Variants in LMBR1 observed in about 807,000 individuals in gnomAD.
LMBR1 encodes limb region 1 protein homolog.
LMBR1 carries 52 observed loss-of-function variants against 73.9 expected under a neutral mutation model. The observed-to-expected ratio is 0.70, with a 90% CI of 0.56 to 0.89. The LOEUF is 0.89. LMBR1 is among the 40% of genes least tolerant of loss of function. The pLI, the probability that LMBR1 is intolerant of heterozygous loss-of-function variation, is 0.00. For synonymous variants in LMBR1, 215 were observed against 209.4 expected (o/e 1.03, Z -0.23); for missense variants, 539 against 579.8 (o/e 0.93, Z 0.72).
intron 3 of LMBR1, 101 bp from the exon 4 acceptor site, chr7:156,826,845 G>T (rs1835790003): frequency 2.7e-6 from 3 of 1,100,068 alleles, no homozygotes; most frequent in African/African-American, 1.6e-5. Flanking sequence ...AATCAAAAAA[G>T]CATTATATTA....
chr7:156,867,995 C>A (rs576293590), intron 1 of LMBR1, among the ~76,000 whole-genome samples: 1 of 151,924 alleles, frequency 6.6e-6, no homozygotes, highest in South Asian at 2.1e-4. Flanking sequence ...TCCTGTAATC[C>A]CAGGACTTTT....
Position 156,691,417 on chromosome 7 carries a change from T to G in LMBR1, c.1226-3226A>C, listed in dbSNP as rs547495917. Among the ~76,000 whole-genome samples, 4 of 152,330 alleles carry G rather than the reference T, an allele frequency of 2.6e-5. No homozygotes were observed. The East Asian group carries it at 7.7e-4, about 29-fold the overall frequency. On this transcript the variant is annotated intron_variant, in intron 15 of 16. Transcript: ENST00000353442. ...ATGCATAATTCCTTGAATAATGATC[T>G]TTTTCTATTCATACCTATAAAAGAA...
At chr7:156,671,278 A>G (rs1477895483) in intron 4 of LMBR1, among the ~76,000 whole-genome samples, 1 of 152,230 alleles carries the variant, frequency 6.6e-6, no homozygotes, top group Non-Finnish European at 1.5e-5. Flanking sequence ...CTCCAGCACC[A>G]ATCAGATTAT....
In LMBR1 at chr7:156,679,350, T is replaced by G. The variant is rs1001506878; in HGVS notation, c.*4728A>C. 4 of 152,214 alleles carry G rather than the reference T, an allele frequency of 2.6e-5. No homozygotes were observed. Among genetic ancestry groups the G allele is most frequent in the South Asian group, 2.1e-4 (1 of 4,820 alleles). The allele number at this position is 152,214 out of a possible 1,614,324, so 9.4% of individuals were successfully genotyped here. On this transcript the variant is annotated 3_prime_UTR_variant, in exon 17 of 17. Coordinates refer to ENST00000353442, the MANE Select transcript of LMBR1 (RefSeq NM_022458.4). ...GTGAATCACTCTTCAGACTGAAGGA[T>G]AGCCAGGCCAGAGAGGTGGCGAGGA...
At position 156,683,434 on chromosome 7, in the gene LMBR1, T is replaced by C. The variant is rs1447870928; in HGVS notation, c.*644A>G. The C allele has an allele frequency of 6.5e-6, 1 of 152,696 alleles. No homozygotes were observed. Among genetic ancestry groups the C allele is most frequent in the African/African-American group, 2.4e-5 (1 of 41,474 alleles). The allele number at this position is 152,696 out of a possible 1,614,324, so 9.5% of individuals were successfully genotyped here. A position where few individuals can be genotyped will look rare whatever the true frequency, so the allele number is the denominator to read the frequency against. ...ACAACAGAAGATATTCCTGTGGCTC[T>C]CTAAGGCTCCAGGTTTAAAAGAATT... On this transcript the variant is annotated 3_prime_UTR_variant, in exon 17 of 17. Transcript: ENST00000353442.
intron 5 of LMBR1, among the ~76,000 whole-genome samples, chr7:156,789,419 T>C (rs1014801058): frequency 5.3e-5 from 8 of 152,226 alleles, no homozygotes; most frequent in Admixed American, 2.0e-4. Flanking sequence ...AAAGTAGATT[T>C]ATCACAGGCT....
At chr7:156,884,494 T>C (rs1196599063) in intron 1 of LMBR1, among the ~76,000 whole-genome samples, 1 of 152,222 alleles carries the variant, frequency 6.6e-6, no homozygotes. Context: ...CAGCTTTAGC[T>C]TTATTCCAGT....
intron 5 of LMBR1, among the ~76,000 whole-genome samples, chr7:156,772,182 G>A (rs1432647040): frequency 1.3e-5 from 2 of 152,142 alleles, no homozygotes; most frequent in Non-Finnish European, 2.9e-5. Context: ...GCTGAGGCAG[G>A]AGAATCACTT....
chr7:156,836,755 C>T, intron 2 of LMBR1, 58 bp downstream of exon 2: 1 of 1,091,846 alleles, frequency 9.2e-7, no homozygotes, highest in Non-Finnish European at 1.3e-6. Flanking sequence ...ATCTTATATA[C>T]CATGCCTAGA....
intron 1 of LMBR1, among the ~76,000 whole-genome samples, chr7:156,878,941 A>G (rs754116587): frequency 1.6e-4 from 25 of 152,188 alleles, no homozygotes; most frequent in Non-Finnish European, 2.9e-5. Context: ...ACAAAAACAT[A>G]AAGTGGGGAA....
chr7:156,676,155 A>G (rs1803948334), downstream of LMBR1: 1 of 1,106,732 alleles, frequency 9.0e-7, no homozygotes, highest in Non-Finnish European at 1.2e-6. Context: ...TTCAGTTTGA[A>G]ATTCTGGAAG....
chr7:156,713,912 T>A (rs572908262), intron 15 of LMBR1, among the ~76,000 whole-genome samples: 3 of 152,344 alleles, frequency 2.0e-5, no homozygotes, highest in Admixed American at 6.5e-5. Flanking sequence ...TTTTGTGTTA[T>A]AAGTTAAATT....
At chr7:156,761,785 C>T (rs993571912) in intron 8 of LMBR1, among the ~76,000 whole-genome samples, 1 of 151,766 alleles carries the variant, frequency 6.6e-6, no homozygotes, top group Non-Finnish European at 1.5e-5. Flanking sequence ...GACCACCCTG[C>T]CTAACACAGT....
chr7:156,852,136 A>G (rs774490307), intron 1 of LMBR1, among the ~76,000 whole-genome samples: 6 of 152,162 alleles, frequency 3.9e-5, no homozygotes, highest in Non-Finnish European at 8.8e-5. Flanking sequence ...ATTTCGGTCC[A>G]GGTCTCAAAA....
intron 1 of LMBR1, among the ~76,000 whole-genome samples, chr7:156,842,114 T>C (rs1239212643): frequency 6.6e-6 from 1 of 150,914 alleles, no homozygotes; most frequent in Non-Finnish European, 1.5e-5. Context: ...ATGGCATCTA[T>C]TTCCTCAGTG....
At chr7:156,803,529 T>C (rs559986895) in intron 4 of LMBR1, among the ~76,000 whole-genome samples, 123 of 152,110 alleles carry the variant, frequency 8.1e-4, no homozygotes, top group Admixed American at 2.2e-3. Context: ...TGTGGAGAAA[T>C]AGGAACACTT....
chr7:156,676,429 G>C (rs2302148), downstream of LMBR1: 1 of 1,613,990 alleles, frequency 6.2e-7, no homozygotes. Context: ...GCTCTGCGCC[G>C]GGAGACCCAC....
At chr7:156,714,210 G>A (rs1354688076) in intron 15 of LMBR1, among the ~76,000 whole-genome samples, 3 of 152,184 alleles carry the variant, frequency 2.0e-5, no homozygotes, top group Non-Finnish European at 4.4e-5. Context: ...GCTTTATGGA[G>A]GAAAAGAAAA....
chr7:156,745,232 T>A lies in LMBR1; in HGVS notation c.758-10975A>T, dbSNP rs761469119. 3.2e-4 allele frequency among the ~76,000 whole-genome samples: 49 copies of A among 152,326 alleles called. 1 individual carries two copies. Among genetic ancestry groups the A allele is most frequent in the Non-Finnish European group, 5.4e-4 (37 of 68,026 alleles). ...CAGTCTTTTTCTGTTCTAATGACAT[T>A]TCCTTGGACATTCTTACTACTTTTG... On this transcript the variant is annotated intron_variant, in intron 9 of 16. Coordinates refer to ENST00000353442, the MANE Select transcript of LMBR1 (RefSeq NM_022458.4).
Sources: allele counts gnomAD v4.1 joint callset (sites outside exome capture counted in the v4.1 genomes callset), GRCh38; gene constraint gnomAD v4.1.1; transcripts MANE v1.5; gene names NCBI Gene and HGNC (gene_info 2026-07-23, HGNC 2026-07-21).